The following PRPF31 variants were observed in gnomAD, a reference collection of about 807,000 sequenced individuals.
PRPF31 encodes the protein U4/U6 small nuclear ribonucleoprotein Prp31.
PRPF31 carries 12 observed loss-of-function variants against 60.4 expected under a neutral mutation model. The ratio of observed to expected loss-of-function variants is 0.20; its 90% CI spans 0.13 to 0.32. The LOEUF (loss-of-function observed/expected upper bound fraction) is 0.32, where lower values mean the gene tolerates loss of function less well. PRPF31 is among the 10% of genes least tolerant of loss of function. The pLI is 1.00. For synonymous variants in PRPF31, 287 were observed against 287.9 expected, an observed-to-expected ratio of 1.00 and a Z score of 0.03; for missense variants, 431 against 687.1, an observed-to-expected ratio of 0.63 and a Z score of 4.17.
intron 1 of PRPF31, 50 bp from the exon 2 acceptor site, chr19:54,118,221 A>G: frequency 6.2e-7 from 1 of 1,611,744 alleles, no homozygotes; most frequent in Non-Finnish European, 8.5e-7. Flanking sequence ...AGTAATAAGG[A>G]GGGACTTTGT....
rs143167691 is a variant in PRPF31 at position 54,125,980 on chromosome 19, C to T, written c.856-548C>T. ...TGGCCATCTCACATCGGTCCAGGCA[C>T]AGGCCGTAGACACCACAGGCCTGTA... On this transcript the variant is annotated intron_variant, in intron 8 of 13. Coordinates refer to ENST00000321030, the MANE Select transcript of PRPF31 (RefSeq NM_015629.4). Among the ~76,000 whole-genome samples the T allele has an allele frequency of 9.6e-4, 146 of 152,368 alleles. 1 individual carries two copies. In the East Asian group the frequency reaches 0.026, roughly 28 times the overall value.
At chr19:54,127,948 G>A in intron 9 of PRPF31, 125 bp from the exon 10 acceptor site, 1 of 1,311,994 alleles carries the variant, frequency 7.6e-7, no homozygotes, top group Non-Finnish European at 1.1e-6. Flanking sequence ...AAAGGGGGTG[G>A]CGGTGAGGCA....
intron 3 of PRPF31, among the ~76,000 whole-genome samples, chr19:54,121,367 C>G (rs1156295893): frequency 7.2e-6 from 1 of 138,732 alleles, no homozygotes; most frequent in Non-Finnish European, 1.6e-5. Context: ...TCCTTTATGG[C>G]TGGAGTGGAA....
intron 13 of PRPF31, among the ~76,000 whole-genome samples, chr19:54,129,832 C>T (rs896959540): frequency 4.6e-5 from 7 of 151,678 alleles, no homozygotes; most frequent in South Asian, 2.1e-4. Context: ...GTCGGAGCCT[C>T]GGTTTACCAT....
intron 5 of PRPF31, 32 bp from the exon 6 acceptor site, chr19:54,123,422 G>T (rs368411191): frequency 1.3e-6 from 2 of 1,566,404 alleles, no homozygotes; most frequent in Admixed American, 1.7e-5. Context: ...CTGAGTTCCC[G>T]AGCCTCCCCT....
At chr19:54,129,465 C>G in intron 13 of PRPF31, 95 bp downstream of exon 13, 4 of 1,413,134 alleles carry the variant, frequency 2.8e-6, no homozygotes, top group East Asian at 2.5e-5. Context: ...TGAGTCTCCT[C>G]ATGGGGCTGT....
intron 7 of PRPF31, 58 bp from the exon 8 acceptor site, chr19:54,124,441 C>G: frequency 7.0e-7 from 1 of 1,418,710 alleles, no homozygotes; most frequent in Non-Finnish European, 9.8e-7. Context: ...GATTTACTCA[C>G]CCCCACCTCT....
At chr19:54,122,353 G>A (rs865834808) in intron 4 of PRPF31, 144 bp from the exon 5 acceptor site, 1 of 779,858 alleles carries the variant, frequency 1.3e-6, no homozygotes, top group Middle Eastern at 2.2e-4. Flanking sequence ...GGACGGCTGA[G>A]AAAGGCTGTA....
rs587669387 is a variant in PRPF31 at position 54,128,909 on chromosome 19, T to A, written c.1147-148T>A. On this transcript the variant is annotated intron_variant, in intron 11 of 13. Coordinates refer to ENST00000321030, the MANE Select transcript of PRPF31 (RefSeq NM_015629.4). ...CCCCGCGTGTGTGGGCCCCCAGGCC[T>A]CAGCCGGGCCGAGTGGGTACCGGAG... The A allele has an allele frequency of 2.9e-4, 243 of 829,508 alleles. 1 individual carries two copies. In the African/African-American group the frequency reaches 3.4e-3, roughly 12 times the overall value. 51.4% of individuals were successfully genotyped at this position (829,508 alleles called of 1,614,324 possible). A position where few individuals can be genotyped will look rare whatever the true frequency, so the allele number is the denominator to read the frequency against.
At chr19:54,131,193 C>A in intron 13 of PRPF31, 114 bp from the exon 14 acceptor site, 1 of 1,453,114 alleles carries the variant, frequency 6.9e-7, no homozygotes, top group South Asian at 1.1e-5. Flanking sequence ...GGCAAACTGT[C>A]TCATGCCCAC....
In PRPF31 at chr19:54,129,220, G is replaced by A. The variant is rs748135613; in HGVS notation, c.1275+35G>A. The A allele has an allele frequency of 3.8e-6, 6 of 1,599,534 alleles. 1 individual carries two copies. Among genetic ancestry groups the A allele is most frequent in the East Asian group, 4.5e-5 (2 of 44,188 alleles). On this transcript the variant is annotated intron_variant, in intron 12 of 13. Coordinates refer to ENST00000321030, the MANE Select transcript of PRPF31 (RefSeq NM_015629.4). ...AGACCCAGGTGGGGCTGGGGACCGA[G>A]GGACACAAGGTGGGGGGAGCCCAGA...
In PRPF31 at chr19:54,129,178, C is replaced by G. The variant is rs753277924; in HGVS notation, c.1268C>G (p.Thr423Arg). The change falls in exon 12 of 14, where the codon ACG becomes AGG. Residue 423 changes from threonine (T) to arginine (R), a missense_variant. Transcript: ENST00000321030. ...NEATKARISK[T>R]LQRTLQKQSV... is the part of the protein sequence containing the mutation. ...GCCACCAAGGCCAGGATCTCCAAGA[C>G]GCTGCAGGTATGGGCCAGACCCAGG... The G allele has an allele frequency of 6.3e-7, 1 of 1,588,002 alleles. No homozygotes were observed. The highest frequency in any genetic ancestry group is 1.8e-5 in the Admixed American group (1 of 55,576).
At chr19:54,124,758 A>T in intron 8 of PRPF31, 102 bp downstream of exon 8, 1 of 1,355,262 alleles carries the variant, frequency 7.4e-7, no homozygotes. Context: ...AGCTGACGGT[A>T]GCACTCAGGA....
chr19:54,127,077 A>G (rs2073939472), intron 9 of PRPF31, among the ~76,000 whole-genome samples: 2 of 152,320 alleles, frequency 1.3e-5, no homozygotes, highest in South Asian at 4.1e-4. Flanking sequence ...CTGAGATTGC[A>G]TCATTGCACT....
chr19:54,121,291 G>A (rs191636675), intron 3 of PRPF31, among the ~76,000 whole-genome samples: 353 of 124,604 alleles, frequency 2.8e-3, no homozygotes, highest in African/African-American at 0.011. Flanking sequence ...CAACCAGAGC[G>A]AAATTATGTC....
At chr19:54,124,053 G>C (rs1313476860) in intron 7 of PRPF31, 135 bp downstream of exon 7, 1 of 1,496,218 alleles carries the variant, frequency 6.7e-7, no homozygotes, top group African/African-American at 1.4e-5. Context: ...CATCACAGAG[G>C]TCAGCCAGCC....
intron 5 of PRPF31, chr19:54,122,814 C>A: frequency 1.6e-6 from 1 of 632,374 alleles, no homozygotes; most frequent in Non-Finnish European, 2.9e-6. Context: ...TCCCCGCTGG[C>A]CTGACCCACG....
intron 8 of PRPF31, 81 bp from the exon 9 acceptor site, chr19:54,126,447 G>A (rs2073922424): frequency 7.4e-7 from 1 of 1,357,410 alleles, no homozygotes; most frequent in Non-Finnish European, 1.0e-6. Flanking sequence ...AGAGCCAGAG[G>A]AGGAGCGCGC....
At chr19:54,130,422 G>A (rs1323216900) in intron 13 of PRPF31, among the ~76,000 whole-genome samples, 1 of 152,144 alleles carries the variant, frequency 6.6e-6, no homozygotes, top group Non-Finnish European at 1.5e-5. Flanking sequence ...TCAGGAGATC[G>A]AGACCATCCT....
Sources: gnomAD v4.1 joint callset for allele counts (sites outside exome capture counted in the v4.1 genomes callset) on GRCh38, gnomAD v4.1.1 for gene constraint, MANE v1.5 for transcripts, NCBI Gene and HGNC (gene_info 2026-07-23, HGNC 2026-07-21) for gene names.